The following CACNA2D1 variants were observed in gnomAD, a reference collection of about 807,000 sequenced individuals.
CACNA2D1 encodes the protein voltage-dependent calcium channel subunit alpha-2/delta-1.
Under a neutral mutation model 171.5 loss-of-function variants are expected in CACNA2D1, and 53 were observed. The ratio of observed to expected loss-of-function variants is 0.31; its 90% CI spans 0.25 to 0.39. CACNA2D1 has a LOEUF of 0.39. Among genes scored for constraint, CACNA2D1 ranks in the 10% least tolerant of loss-of-function variants. The pLI is 1.00. For missense variants in CACNA2D1, 903 were observed against 1,299.8 expected, an observed-to-expected ratio of 0.69 and a Z score of 4.69; for synonymous variants, 442 against 443.1, an observed-to-expected ratio of 1.00 and a Z score of 0.03.
intron 5 of CACNA2D1, among the ~76,000 whole-genome samples, chr7:82,119,738 C>T (rs1789495001): frequency 6.6e-6 from 1 of 152,178 alleles, no homozygotes; most frequent in South Asian, 2.1e-4. Flanking sequence ...TGCAATCATA[C>T]TATGGCTACG....
intron 10 of CACNA2D1, among the ~76,000 whole-genome samples, chr7:82,043,970 G>T (rs76632162): frequency 0.029 from 4,469 of 152,268 alleles, 90 homozygotes; most frequent in Non-Finnish European, 0.044. Context: ...CATTCTTAAG[G>T]TCACATATTC....
At chr7:82,166,657 C>T (rs1291651173) in intron 4 of CACNA2D1, among the ~76,000 whole-genome samples, 1 of 152,004 alleles carries the variant, frequency 6.6e-6, no homozygotes, top group Non-Finnish European at 1.5e-5. Flanking sequence ...CCCACCTGCC[C>T]TTAATAGAAT....
At chr7:82,226,675 A>G (rs1802396664) in intron 3 of CACNA2D1, among the ~76,000 whole-genome samples, 1 of 152,192 alleles carries the variant, frequency 6.6e-6, no homozygotes, top group Admixed American at 6.5e-5. Context: ...AAAAGCAATT[A>G]ATATCCTATA....
intron 2 of CACNA2D1, among the ~76,000 whole-genome samples, chr7:82,336,394 T>A (rs1458400606): frequency 6.6e-6 from 1 of 152,226 alleles, no homozygotes. Context: ...TAAAAATTAA[T>A]TTGAAATTAA....
Position 82,420,661 on chromosome 7 carries a change from C to T in CACNA2D1, c.95+22704G>A, listed in dbSNP as rs74766122. Among the ~76,000 whole-genome samples, 1,313 of 152,258 alleles carry T rather than the reference C, an allele frequency of 8.6e-3. 18 individuals carry two copies. The highest frequency in any genetic ancestry group is 0.03 in the African/African-American group (1,262 of 41,554). Reference sequence around the variant, plus strand: ...TGCTAAAAATCTTCTCTATGATACACTTTAAAAGGAATAATTGCTTTAAAT... The same window carrying T: ...TGCTAAAAATCTTCTCTATGATACATTTTAAAAGGAATAATTGCTTTAAAT... On this transcript the variant is annotated intron_variant, in intron 1 of 38. Coordinates refer to ENST00000356860, the MANE Select transcript of CACNA2D1 (RefSeq NM_000722.4).
intron 3 of CACNA2D1, among the ~76,000 whole-genome samples, chr7:82,330,296 A>G (rs1817158119): frequency 6.6e-6 from 1 of 152,138 alleles, no homozygotes; most frequent in African/African-American, 2.4e-5. Flanking sequence ...ATTCAAAAAT[A>G]TTATAAAAGA....
chr7:82,176,151 C>G (rs1177357006), intron 3 of CACNA2D1, among the ~76,000 whole-genome samples: 1 of 151,922 alleles, frequency 6.6e-6, no homozygotes, highest in Non-Finnish European at 1.5e-5. Flanking sequence ...CTTATTTTTT[C>G]TGAAGGGCAG....
intron 1 of CACNA2D1, among the ~76,000 whole-genome samples, chr7:82,395,388 C>G (rs1305327250): frequency 6.6e-6 from 1 of 152,172 alleles, no homozygotes; most frequent in African/African-American, 2.4e-5. Context: ...GAAGCTAATG[C>G]ATACTTGCCA....
In CACNA2D1 at chr7:81,946,521, A is replaced by C. The variant is rs1792063435; in HGVS notation, c.*3871T>G. On this transcript the variant is annotated 3_prime_UTR_variant, in exon 39 of 39. Coordinates refer to ENST00000356860, the MANE Select transcript of CACNA2D1 (RefSeq NM_000722.4). ...TAACACAACATTTTCTGGGATTATA[A>C]ATATTTTATAACAGTATTATACAAA... 6.6e-6 allele frequency: 1 copy of C among 152,120 alleles called. No homozygotes were observed. The highest frequency in any genetic ancestry group is 1.5e-5 in the Non-Finnish European group (1 of 68,004). 9.4% of individuals were successfully genotyped at this position (152,120 alleles called of 1,614,324 possible).
intron 10 of CACNA2D1, among the ~76,000 whole-genome samples, chr7:82,055,592 G>T (rs1805738299): frequency 6.6e-6 from 1 of 151,588 alleles, no homozygotes; most frequent in Non-Finnish European, 1.5e-5. Flanking sequence ...CATAAAAAAT[G>T]ATGAGTTCAT....
chr7:82,010,032 C>CCAT (rs1316253308), intron 15 of CACNA2D1, among the ~76,000 whole-genome samples: 1 of 151,968 alleles, frequency 6.6e-6, no homozygotes, highest in Non-Finnish European at 1.5e-5. Flanking sequence ...ATGCTATACC[C>CCAT]CATTTTTATG....
intron 3 of CACNA2D1, among the ~76,000 whole-genome samples, chr7:82,256,408 G>T (rs1806311322): frequency 6.6e-6 from 1 of 152,264 alleles, no homozygotes; most frequent in Non-Finnish European, 1.5e-5. Context: ...ATATATAAAT[G>T]TCTAAATTTA....
chr7:82,095,371 T>C (rs1043435981), intron 6 of CACNA2D1, among the ~76,000 whole-genome samples: 1 of 152,168 alleles, frequency 6.6e-6, no homozygotes, highest in Non-Finnish European at 1.5e-5. Flanking sequence ...TTCACTATCT[T>C]TATGTGTGTG....
intron 3 of CACNA2D1, among the ~76,000 whole-genome samples, chr7:82,233,262 T>C (rs912162642): frequency 6.6e-6 from 1 of 152,234 alleles, no homozygotes; most frequent in Admixed American, 6.5e-5. Flanking sequence ...TGAACATTTC[T>C]ACAATGTTCC....
chr7:82,060,063 G>GCAAGTGTATAAATA (rs1806437677), intron 10 of CACNA2D1, among the ~76,000 whole-genome samples: 1 of 102,488 alleles, frequency 9.8e-6, no homozygotes, highest in African/African-American at 3.6e-5. Flanking sequence ...GAGTTAATAG[G>GCAAGTGTATAAATA]TGCAGCACAG....
intron 6 of CACNA2D1, among the ~76,000 whole-genome samples, chr7:82,114,392 A>C (rs1476884827): frequency 6.6e-6 from 1 of 152,152 alleles, no homozygotes; most frequent in East Asian, 1.9e-4. Flanking sequence ...ATAACCAAAC[A>C]ATAACCTATA....
Position 81,964,284 on chromosome 7 carries a change from T to C in CACNA2D1, c.2650A>G (p.Lys884Glu), listed in dbSNP as rs1284914382. 1.2e-6 allele frequency: 2 copies of C among 1,612,558 alleles called. No individual in the cohort carries two copies. Among genetic ancestry groups the C allele is most frequent in the Admixed American group, 1.7e-5 (1 of 59,838 alleles). Residue 884 changes from lysine to glutamate, a missense_variant, in exon 33 of 39, where the codon AAA becomes GAA. Physicochemically the swap from Lys to Glu is moderately conservative, Grantham distance 56. Around this residue, in one of 5 missense-constraint regions of CACNA2D1, gnomAD observed 623 missense variants for 925.5 expected, o/e 0.67. Transcript: ENST00000356860. Reference sequence around the variant, plus strand: ...CATACTGACTGATAATCATAAGATTTGTTAAAAGCATAAACTGATATATTA... The same window carrying C: ...CATACTGACTGATAATCATAAGATTCGTTAAAAGCATAAACTGATATATTA... ...LVNISVYAFN[K>E]SYDYQSVCEP...
chr7:82,008,779 T>C (rs992190024), intron 15 of CACNA2D1, among the ~76,000 whole-genome samples: 2 of 152,068 alleles, frequency 1.3e-5, no homozygotes, highest in Non-Finnish European at 2.9e-5. Context: ...ACTAGAACAT[T>C]AAAAATATTT....
At chr7:82,020,027 ATATCT>A (rs1383057234) in intron 12 of CACNA2D1, among the ~76,000 whole-genome samples, 1 of 152,184 alleles carries the variant, frequency 6.6e-6, no homozygotes, top group African/African-American at 2.4e-5. Context: ...TGACTAGCCT[ATATCT>A]CCAGTTTTAT....
Sources: gnomAD v4.1 joint callset for allele counts (sites outside exome capture counted in the v4.1 genomes callset) on GRCh38, gnomAD v4.1.1 for gene constraint, gnomAD v4.1.1 regional missense constraint, MANE v1.5 for transcripts, NCBI Gene and HGNC (gene_info 2026-07-23, HGNC 2026-07-21) for gene names.